The following HACL1 variants were observed in gnomAD, a reference collection of about 807,000 sequenced individuals.
HACL1 encodes the protein 2-hydroxyacyl-CoA lyase 1.
In HACL1, 64 loss-of-function variants were observed where a neutral mutation model predicts 74.2. The observed-to-expected ratio is 0.86, with a 90% CI of 0.70 to 1.06. The LOEUF (loss-of-function observed/expected upper bound fraction) is 1.06. Among genes scored for constraint, HACL1 ranks in the 50% least tolerant of loss-of-function variants. The pLI is 0.00. For missense variants in HACL1, 728 were observed against 719.7 expected (o/e 1.01, Z -0.13); for synonymous variants, 230 against 238.8 (o/e 0.96, Z 0.34).
At position 15,600,724 on chromosome 3, in the gene HACL1, A is replaced by G. The variant is rs2064198173; in HGVS notation, c.186+366T>C. The G allele has an allele frequency of 1.1e-5, 3 of 268,916 alleles. No homozygotes were observed. The East Asian group carries it at 2.4e-4, about 21-fold the overall frequency. The allele number at this position is 268,916 out of a possible 1,614,324, so 16.7% of individuals were successfully genotyped here. On this transcript the variant is annotated intron_variant, in intron 2 of 16. Transcript: ENST00000321169. ...CTGGGGGTACAGATGTGTCGTGAAG[A>G]AATAATATCCCTGCTCTAATGGAGC... is the stretch of plus-strand genomic sequence containing the variant.
chr3:15,593,794 G>GTT (rs1559563174), intron 3 of HACL1, among the ~76,000 whole-genome samples: 1 of 116,652 alleles, frequency 8.6e-6, no homozygotes, highest in African/African-American at 3.3e-5. Context: ...TTTTTTTTTT[G>GTT]TCTTTTTTTT....
intron 2 of HACL1, among the ~76,000 whole-genome samples, chr3:15,600,152 C>T (rs530507044): frequency 5.0e-4 from 76 of 152,230 alleles, no homozygotes; most frequent in Admixed American, 1.0e-3. Flanking sequence ...TAAGCATCTA[C>T]ACCACGTGAA....
Position 15,586,634 on chromosome 3 carries a change from A to T in HACL1, c.382-32T>A, listed in dbSNP as rs1314754108. 2 of 1,232,416 alleles carry T rather than the reference A, an allele frequency of 1.6e-6. 1 individual carries two copies. Among genetic ancestry groups the T allele is most frequent in the Non-Finnish European group, 2.4e-6 (2 of 838,700 alleles). The allele number at this position is 1,232,416 out of a possible 1,614,324, so 76.3% of individuals were successfully genotyped here. A position where few individuals can be genotyped will look rare whatever the true frequency, so the allele number is the denominator to read the frequency against. On this transcript the variant is annotated intron_variant, in intron 5 of 16. Transcript: ENST00000321169. ...GGAAAATGAAAATCACTTAAAATTCAGCTCACAATCATGTTACTCTCCTGA... is the reference window on the plus strand; with the variant it reads ...GGAAAATGAAAATCACTTAAAATTCTGCTCACAATCATGTTACTCTCCTGA...
intron 10 of HACL1, 38 bp downstream of exon 10, chr3:15,574,937 CAT>C: frequency 1.1e-6 from 1 of 892,934 alleles, no homozygotes; most frequent in East Asian, 2.4e-5. Flanking sequence ...GAATAATGAA[CAT>C]AGACATTTCT....
At chr3:15,577,280 T>A (rs1293170197) in intron 9 of HACL1, among the ~76,000 whole-genome samples, 1 of 151,106 alleles carries the variant, frequency 6.6e-6, no homozygotes, top group Non-Finnish European at 1.5e-5. Flanking sequence ...AGCCTAGGGG[T>A]CTGAGTCCAG....
At chr3:15,573,095 A>T in intron 11 of HACL1, 64 bp downstream of exon 11, 4 of 893,364 alleles carry the variant, frequency 4.5e-6, no homozygotes, top group Non-Finnish European at 7.6e-6. Flanking sequence ...CAAGATTAAA[A>T]CATTTTCAAG....
chr3:15,566,038 G>A (rs73816265), intron 14 of HACL1, among the ~76,000 whole-genome samples: 4,151 of 152,176 alleles, frequency 0.027, 179 homozygotes, highest in African/African-American at 0.093. Flanking sequence ...TTATATCAGG[G>A]ACTTACTTGA....
chr3:15,580,169 C>T (rs558014449), intron 8 of HACL1, 124 bp from the exon 9 acceptor site: 1 of 756,476 alleles, frequency 1.3e-6, no homozygotes, highest in South Asian at 1.6e-5. Context: ...ACTCTATCAC[C>T]CAGGCTGGAG....
intron 3 of HACL1, among the ~76,000 whole-genome samples, chr3:15,595,639 T>C (rs35304814): frequency 0.12 from 16,482 of 132,628 alleles, 1,251 homozygotes; most frequent in Middle Eastern, 0.25. Context: ...AGACGGAGTC[T>C]CACTCTATCA....
In HACL1 at chr3:15,571,727, C is replaced by A. The variant is rs763561689; in HGVS notation, c.1036G>T (p.Glu346Ter). 30 of 1,524,510 alleles carry A rather than the reference C, an allele frequency of 2.0e-5. No individual in the cohort carries two copies. In the Admixed American group the frequency reaches 4.7e-4, roughly 24 times the overall value. The allele number at this position is 1,524,510 out of a possible 1,614,324, so 94.4% of individuals were successfully genotyped here. ...CTCAGAGTTTTCCACCACTTGCTCT[C>A]TGGAGGATACTGCCATGGTGTTTTA... ...LDKTPWQYPP[E>*]SKWWKTLREK... The change falls in exon 12 of 17, where the codon GAG (glutamate) becomes TAG (stop). Residue 346 changes from glutamate to a stop codon, truncating the protein, a stop_gained. Transcript: ENST00000321169. LOFTEE classifies it high-confidence loss of function.
At chr3:15,593,317 G>C (rs539342374) in intron 3 of HACL1, among the ~76,000 whole-genome samples, 25 of 151,950 alleles carry the variant, frequency 1.6e-4, no homozygotes, top group Non-Finnish European at 2.6e-4. Flanking sequence ...AAGCTCAGGT[G>C]ATCTTCCCAC....
At chr3:15,599,346 A>G (rs1158259794) in intron 2 of HACL1, among the ~76,000 whole-genome samples, 1 of 152,202 alleles carries the variant, frequency 6.6e-6, no homozygotes, top group African/African-American at 2.4e-5. Context: ...TTGCCCAGGC[A>G]GCCTCTAATT....
chr3:15,585,649 C>A (rs1340474275), intron 6 of HACL1, among the ~76,000 whole-genome samples: 1 of 152,164 alleles, frequency 6.6e-6, no homozygotes, highest in Non-Finnish European at 1.5e-5. Flanking sequence ...GTAATATGTA[C>A]TTTCATCTGC....
intron 8 of HACL1, among the ~76,000 whole-genome samples, chr3:15,581,264 T>C (rs6806255): frequency 0.21 from 32,539 of 152,204 alleles, 4,954 homozygotes; most frequent in African/African-American, 0.42. Flanking sequence ...ATTCCCTTGA[T>C]GACATTAAAA....
intron 12 of HACL1, 51 bp from the exon 13 acceptor site, chr3:15,568,637 T>G (rs1260341330): frequency 1.0e-6 from 1 of 989,664 alleles, no homozygotes; most frequent in African/African-American, 1.6e-5. Flanking sequence ...ACAATGAAAA[T>G]AACCAATGTT....
In HACL1 at chr3:15,568,600, G is replaced by A. The variant is rs2063474535; in HGVS notation, c.1096-14C>T. On this transcript the variant is annotated splice_polypyrimidine_tract_variant and intron_variant, in intron 12 of 16. Transcript: ENST00000321169. ...AGAAGCTAGTTCCTGAAAAGTAGAT[G>A]GGAATATAATCAAATTAAATTGGGA... 1 of 1,394,232 alleles carries A rather than the reference G, an allele frequency of 7.2e-7. No homozygotes were observed. Among genetic ancestry groups the A allele is most frequent in the South Asian group, 1.3e-5 (1 of 79,882 alleles). The allele number at this position is 1,394,232 out of a possible 1,614,324, so 86.4% of individuals were successfully genotyped here. A position where few individuals can be genotyped will look rare whatever the true frequency, so the allele number is the denominator to read the frequency against.
In HACL1 at chr3:15,563,375, C is replaced by A; in HGVS notation, c.1687G>T (p.Ala563Ser). The A allele has an allele frequency of 6.2e-7, 1 of 1,613,220 alleles. No individual in the cohort carries two copies. The highest frequency in any genetic ancestry group is 8.5e-7 in the Non-Finnish European group (1 of 1,179,408). The change falls in exon 16 of 17, where the codon GCC (alanine) becomes TCC (serine). Residue 563 changes from alanine (A) to serine (S), a missense_variant. Coordinates refer to ENST00000321169, the MANE Select transcript of HACL1 (RefSeq NM_012260.4). ...GTATTTACCTGGGCCTTCCGTGTGG[C>A]TTGTGGCTCAATCATGATGTTGATA... ...SLINIMIEPQ[A>S]TRKAQDFHWL...
intron 9 of HACL1, among the ~76,000 whole-genome samples, chr3:15,575,284 A>C (rs1032725305): frequency 3.9e-5 from 6 of 152,060 alleles, no homozygotes; most frequent in African/African-American, 1.2e-4. Flanking sequence ...AATATAAATT[A>C]AGTTAAAAAA....
chr3:15,564,544 T>C lies in HACL1; in HGVS notation c.1517+7A>G. 1 of 1,200,316 alleles carries C rather than the reference T, an allele frequency of 8.3e-7. No homozygotes were observed. Among genetic ancestry groups the C allele is most frequent in the Non-Finnish European group, 1.2e-6 (1 of 816,760 alleles). The allele number at this position is 1,200,316 out of a possible 1,614,324, so 74.4% of individuals were successfully genotyped here. On this transcript the variant is annotated splice_region_variant and intron_variant, in intron 15 of 16. Coordinates refer to ENST00000321169, the MANE Select transcript of HACL1 (RefSeq NM_012260.4). ...AAAGTAAACAGACATTGGTCTTGGT[T>C]ACTTACACTGCAGTAGCATCTTGAA... is the stretch of plus-strand genomic sequence containing the variant.
Sources: gnomAD v4.1 joint callset for allele counts (sites outside exome capture counted in the v4.1 genomes callset) on GRCh38, gnomAD v4.1.1 for gene constraint, MANE v1.5 for transcripts, NCBI Gene and HGNC (gene_info 2026-07-23, HGNC 2026-07-21) for gene names.